Variants in UACA observed in about 807,000 individuals in gnomAD.
UACA encodes nuclear membrane binding protein.
Under a neutral mutation model 160.5 loss-of-function variants are expected in UACA, and 112 were observed. That is an observed-to-expected ratio of 0.70 (90% CI 0.60 to 0.82). The LOEUF is 0.82. Ranked by LOEUF, UACA falls within the 40% of genes least tolerant of loss-of-function variation. The pLI is 0.00. For synonymous variants in UACA, 557 were observed against 568.4 expected (o/e 0.98, Z 0.29); for missense variants, 1,574 against 1,614.6 (o/e 0.97, Z 0.43).
chr15:70,729,106 G>C (rs1384864487), intron 1 of UACA, among the ~76,000 whole-genome samples: 2 of 152,186 alleles, frequency 1.3e-5, no homozygotes, highest in Non-Finnish European at 2.9e-5. Context: ...AATTAGTTCA[G>C]CCACTGTGGA....
At chr15:70,678,354 C>A in intron 10 of UACA, 148 bp from the exon 11 acceptor site, 1 of 512,384 alleles carries the variant, frequency 2.0e-6, no homozygotes, top group Non-Finnish European at 3.4e-6. Context: ...CAATGATATG[C>A]CAATGATTTA....
intron 1 of UACA, among the ~76,000 whole-genome samples, chr15:70,741,052 T>TAAAATA (rs1481584131): frequency 1.3e-5 from 2 of 150,814 alleles, no homozygotes; most frequent in African/African-American, 4.9e-5. Context: ...AAAAATAAAA[T>TAAAATA]AAAATAAAAA....
the UACA span, among the ~76,000 whole-genome samples, chr15:70,773,536 C>G: frequency 6.6e-6 from 1 of 152,132 alleles, no homozygotes; most frequent in East Asian, 1.9e-4. Context: ...GGAGTTAAGT[C>G]TTTGAGGACA....
At chr15:70,704,098 T>C (rs1014370964) in intron 1 of UACA, among the ~76,000 whole-genome samples, 22 of 152,336 alleles carry the variant, frequency 1.4e-4, no homozygotes, top group Non-Finnish European at 2.8e-4. Flanking sequence ...AATTTGACTA[T>C]ATCTAAGGTT....
chr15:70,657,332 C>T (rs763930715), intron 18 of UACA, among the ~76,000 whole-genome samples: 6 of 152,184 alleles, frequency 3.9e-5, no homozygotes, highest in Admixed American at 2.6e-4. Context: ...AGTGCACGGC[C>T]GGGCGTGGTG....
chr15:70,774,237 C>G, the UACA span, among the ~76,000 whole-genome samples: 4 of 152,032 alleles, frequency 2.6e-5, no homozygotes, highest in African/African-American at 9.7e-5. Flanking sequence ...AGCTTCCAAA[C>G]GCTAAGTTAT....
At chr15:70,753,596 G>A (rs998630861) in intron 1 of UACA, among the ~76,000 whole-genome samples, 1 of 152,150 alleles carries the variant, frequency 6.6e-6, no homozygotes, top group African/African-American at 2.4e-5. Context: ...CATCTGAAAT[G>A]ATGGCAATAG....
intron 5 of UACA, 55 bp from the exon 6 acceptor site, chr15:70,687,875 A>G (rs2140944464): frequency 1.3e-6 from 2 of 1,542,756 alleles, no homozygotes; most frequent in African/African-American, 1.4e-5. Context: ...TAAGACACAT[A>G]GTGTTTTTCT....
chr15:70,695,037 A>G lies in UACA; in HGVS notation c.281T>C (p.Ile94Thr), dbSNP rs139963947. The G allele has an allele frequency of 2.5e-6, 4 of 1,610,572 alleles. No individual in the cohort carries two copies. The highest frequency in any genetic ancestry group is 2.2e-5 in the East Asian group (1 of 44,670). ...LNAILIHGVDITTSDTAGRNA... is the reference protein window; with the variant it reads ...LNAILIHGVDTTTSDTAGRNA... ...CATACCTGCAGTGTCACTGGTTGTAATATCAACTCCATGTATAAGGATGGC... is the reference window on the plus strand; with the variant it reads ...CATACCTGCAGTGTCACTGGTTGTAGTATCAACTCCATGTATAAGGATGGC... Residue 94 changes from isoleucine to threonine, a missense_variant, in exon 3 of 19, where the codon ATT becomes ACT. Physicochemically the swap from Ile to Thr is moderately conservative, Grantham distance 89 (BLOSUM62 -1). Coordinates refer to ENST00000322954, the MANE Select transcript of UACA (RefSeq NM_018003.4).
upstream of UACA, among the ~76,000 whole-genome samples, chr15:70,767,438 A>C (rs2031043489): frequency 6.6e-6 from 1 of 151,210 alleles, no homozygotes; most frequent in African/African-American, 2.4e-5. Context: ...AAATACAAAA[A>C]TTAGCTGGGC....
chr15:70,737,027 T>G (rs907057416), intron 1 of UACA, among the ~76,000 whole-genome samples: 3 of 152,214 alleles, frequency 2.0e-5, no homozygotes, highest in African/African-American at 7.2e-5. Context: ...GTGTCTCGTA[T>G]CCATCCTATT....
chr15:70,668,822 G>T lies in UACA; in HGVS notation c.1862C>A (p.Ala621Glu), dbSNP rs764373773. 1 of 1,613,702 alleles carries T rather than the reference G, an allele frequency of 6.2e-7. No individual in the cohort carries two copies. The highest frequency in any genetic ancestry group is 1.1e-5 in the South Asian group (1 of 91,062). The change falls in exon 16 of 19, where the codon GCG (alanine) becomes GAG (glutamate). Residue 621 changes from alanine (A) to glutamate (E), a missense_variant. By Grantham distance (107) the Ala-to-Glu change is moderately radical. Coordinates refer to ENST00000322954, the MANE Select transcript of UACA (RefSeq NM_018003.4). The part of the protein sequence containing the change: ...EMEGQAKELS[A>E]KLALSIPAEK... The stretch of plus-strand genomic sequence containing the variant: ...AGCTGGAATGGAAAGGGCCAACTTC[G>T]CTGACAATTCTTTTGCCTGGCCTTC...
chr15:70,761,696 T>C (rs1393914611), intron 1 of UACA, among the ~76,000 whole-genome samples: 1 of 152,242 alleles, frequency 6.6e-6, no homozygotes, highest in African/African-American at 2.4e-5. Flanking sequence ...TAATATCATG[T>C]TTATCTTTAT....
chr15:70,764,118 AAAGACGTTATAGT>A (rs1478974764), upstream of UACA, among the ~76,000 whole-genome samples: 8 of 152,200 alleles, frequency 5.3e-5, no homozygotes, highest in African/African-American at 1.9e-4. Flanking sequence ...AAAGACCTTG[AAAGACGTTATAGT>A]AAGTTACAGT....
chr15:70,692,052 AT>A (rs1251452190), intron 3 of UACA, among the ~76,000 whole-genome samples: 1 of 152,208 alleles, frequency 6.6e-6, no homozygotes, highest in Non-Finnish European at 1.5e-5. Context: ...TCCTAATTAT[AT>A]TTCTTTATAC....
At chr15:70,717,908 G>A (rs1898867497) in intron 1 of UACA, among the ~76,000 whole-genome samples, 1 of 151,958 alleles carries the variant, frequency 6.6e-6, no homozygotes, top group East Asian at 1.9e-4. Flanking sequence ...CAGAGAAGAA[G>A]CAATTCTACC....
chr15:70,681,005 G>A (rs1264234070), intron 9 of UACA, among the ~76,000 whole-genome samples: 1 of 152,136 alleles, frequency 6.6e-6, no homozygotes, highest in Non-Finnish European at 1.5e-5. Context: ...CTTGTCTGCT[G>A]CTGCCCCATG....
chr15:70,663,960 G>A (rs540426253), intron 17 of UACA, among the ~76,000 whole-genome samples: 1 of 152,202 alleles, frequency 6.6e-6, no homozygotes, highest in South Asian at 2.1e-4. Context: ...CATGGTCCAT[G>A]TATACATATG....
chr15:70,764,359 A>C (rs1453170860), upstream of UACA, among the ~76,000 whole-genome samples: 1 of 152,232 alleles, frequency 6.6e-6, no homozygotes, highest in Non-Finnish European at 1.5e-5. Context: ...TATACGATGA[A>C]GTTAAATCAT....
Sources: allele counts gnomAD v4.1 joint callset (sites outside exome capture counted in the v4.1 genomes callset), GRCh38; gene constraint gnomAD v4.1.1; transcripts MANE v1.5; gene names NCBI Gene and HGNC (gene_info 2026-07-23, HGNC 2026-07-21).